The following CSMD3 variants were observed in gnomAD, a reference collection of about 807,000 sequenced individuals.
CSMD3 encodes the protein CUB and Sushi multiple domains 3, also known as CUB and sushi domain-containing protein 3.
CSMD3 carries 177 observed loss-of-function variants against 435.2 expected under a neutral mutation model. The ratio of observed to expected loss-of-function variants is 0.41; its 90% confidence interval spans 0.36 to 0.46. CSMD3 has a LOEUF of 0.46. Among genes scored for constraint, CSMD3 ranks in the 20% least tolerant of loss-of-function variants. The pLI is 0.34. For missense variants in CSMD3, 4,265 were observed against 4,504.6 expected, an observed-to-expected ratio of 0.95 and a Z score of 1.52; for synonymous variants, 1,656 against 1,520.5, an observed-to-expected ratio of 1.09 and a Z score of -2.07.
At chr8:112,493,975 T>C (rs915786055) in intron 30 of CSMD3, among the ~76,000 whole-genome samples, 1 of 152,130 alleles carries the variant, frequency 6.6e-6, no homozygotes, top group South Asian at 2.1e-4. Context: ...ATATGAGTCA[T>C]GGAATCTTTG....
At chr8:113,020,330 A>G (rs181535376) in intron 5 of CSMD3, among the ~76,000 whole-genome samples, 1 of 152,268 alleles carries the variant, frequency 6.6e-6, no homozygotes. Context: ...AATATACTCA[A>G]AACAAGTATC....
rs762055349 is a variant in CSMD3 at position 112,336,668 on chromosome 8, C to A, written c.7003G>T (p.Asp2335Tyr). Residue 2335 changes from aspartate to tyrosine, a missense_variant, in exon 44 of 71, where the codon GAT (aspartate) becomes TAT (tyrosine). Coordinates refer to ENST00000297405, the MANE Select transcript of CSMD3 (RefSeq NM_198123.2). Reference protein sequence around the residue: ...FTVLQTEPIYDFITVWDGPDQ... With the variant: ...FTVLQTEPIYYFITVWDGPDQ... Reference sequence around the variant, plus strand: ...CTGACTTACCATACAGTAATGAAATCATATATTGGTTCTGTTTGAAGGACA... The same window carrying A: ...CTGACTTACCATACAGTAATGAAATAATATATTGGTTCTGTTTGAAGGACA... The A allele has an allele frequency of 6.2e-7, 1 of 1,610,532 alleles. No individual in the cohort carries two copies. The highest frequency in any genetic ancestry group is 8.5e-7 in the Non-Finnish European group (1 of 1,177,008).
intron 10 of CSMD3, among the ~76,000 whole-genome samples, chr8:112,872,087 A>G (rs907149687): frequency 6.6e-6 from 1 of 152,072 alleles, no homozygotes; most frequent in Non-Finnish European, 1.5e-5. Context: ...ATCAATTAGA[A>G]TTCTCAGATT....
At chr8:113,054,042 T>C (rs1587975754) in intron 5 of CSMD3, among the ~76,000 whole-genome samples, 1 of 152,154 alleles carries the variant, frequency 6.6e-6, no homozygotes, top group Non-Finnish European at 1.5e-5. Flanking sequence ...ATTGATTTCT[T>C]ACCAAACTAC....
intron 27 of CSMD3, among the ~76,000 whole-genome samples, chr8:112,525,955 T>C (rs1824910318): frequency 7.0e-6 from 1 of 143,628 alleles, no homozygotes. Flanking sequence ...CTTTAACAAG[T>C]CAAGGCATAC....
chr8:113,081,715 C>T (rs1158989807), intron 5 of CSMD3, among the ~76,000 whole-genome samples: 1 of 152,124 alleles, frequency 6.6e-6, no homozygotes, highest in Non-Finnish European at 1.5e-5. Flanking sequence ...CCCTGGGACT[C>T]TGCAGATTTC....
intron 3 of CSMD3, among the ~76,000 whole-genome samples, chr8:113,269,101 A>G (rs2132403828): frequency 6.6e-6 from 1 of 152,270 alleles, no homozygotes; most frequent in African/African-American, 2.4e-5. Flanking sequence ...GATTTTATTT[A>G]ATTCTTTTGA....
In CSMD3 at chr8:112,278,370, A is replaced by C. The variant is rs541933634; in HGVS notation, c.9508+2804T>G. 3.3e-5 allele frequency among the ~76,000 whole-genome samples: 5 copies of C among 152,312 alleles called. No homozygotes were observed. The South Asian group carries it at 1.0e-3, about 32-fold the overall frequency. On this transcript the variant is annotated intron_variant, in intron 59 of 70. Transcript: ENST00000297405. ...CTGCCAAGATTTAAATGATAGATCT[A>C]AGTCAGAAGTATTGAAAATTGACAT...
chr8:112,226,054 T>C (rs1355122098), intron 70 of CSMD3, among the ~76,000 whole-genome samples: 2 of 152,204 alleles, frequency 1.3e-5, no homozygotes, highest in Non-Finnish European at 2.9e-5. Flanking sequence ...AACAATCGAA[T>C]TTCAACTATT....
Position 112,597,329 on chromosome 8 carries a change from T to A in CSMD3, c.3716-10094A>T, listed in dbSNP as rs1368041108. Among the ~76,000 whole-genome samples, 7 of 151,990 alleles carry A rather than the reference T, an allele frequency of 4.6e-5. No individual in the cohort carries two copies. The East Asian group carries it at 1.4e-3, about 30-fold the overall frequency. Reference sequence around the variant, plus strand: ...AAGACTAAACCAGGAAGAAGTTGAATCTCTGAATAGACCAATAACAGGAGC... The same window carrying A: ...AAGACTAAACCAGGAAGAAGTTGAAACTCTGAATAGACCAATAACAGGAGC... On this transcript the variant is annotated intron_variant, in intron 22 of 70. Transcript: ENST00000297405.
chr8:112,608,601 C>T (rs563795342), intron 22 of CSMD3, among the ~76,000 whole-genome samples: 1 of 150,314 alleles, frequency 6.7e-6, no homozygotes, highest in African/African-American at 2.5e-5. Flanking sequence ...TATATATATA[C>T]ATACACACAC....
chr8:113,363,317 G>A (rs2094289948), intron 1 of CSMD3, among the ~76,000 whole-genome samples: 1 of 88,880 alleles, frequency 1.1e-5, no homozygotes, highest in Non-Finnish European at 2.7e-5. Flanking sequence ...TCCTTTATCA[G>A]ATATGTTTTG....
At chr8:112,439,862 TC>T (rs75592155) in intron 32 of CSMD3, among the ~76,000 whole-genome samples, 64,681 of 150,208 alleles carry the variant, frequency 0.43, 14,801 homozygotes, top group Middle Eastern at 0.6. Context: ...TGCCACTAGG[TC>T]CCCCCCCGCC....
At chr8:112,508,742 G>C (rs7838963) in intron 28 of CSMD3, among the ~76,000 whole-genome samples, 46,501 of 151,868 alleles carry the variant, frequency 0.31, 7,275 homozygotes, top group East Asian at 0.47. Context: ...TCCCTTCCCT[G>C]CTCCTTGCAA....
In CSMD3 at chr8:113,108,384, C is replaced by T. The variant is rs151148611; in HGVS notation, c.710-9421G>A. Among the ~76,000 whole-genome samples the T allele has an allele frequency of 5.1e-3, 760 of 149,976 alleles. 2 individuals carry two copies. Among genetic ancestry groups the T allele is most frequent in the African/African-American group, 0.017 (671 of 40,536 alleles). The stretch of plus-strand genomic sequence containing the variant: ...TGGAGGTTGCAATGAATCGAGATTG[C>T]GCCACTGCATGCCAGCCTAGTGAGA... On this transcript the variant is annotated intron_variant, in intron 4 of 70. Transcript: ENST00000297405.
intron 13 of CSMD3, among the ~76,000 whole-genome samples, chr8:112,745,920 A>G (rs1244822969): frequency 6.6e-6 from 1 of 151,894 alleles, no homozygotes; most frequent in South Asian, 2.1e-4. Context: ...ACATTTTGCT[A>G]ATTTTTTTTC....
At chr8:112,679,717 C>A (rs775428280) in intron 16 of CSMD3, among the ~76,000 whole-genome samples, 3 of 152,130 alleles carry the variant, frequency 2.0e-5, no homozygotes, top group African/African-American at 4.8e-5. Flanking sequence ...AGGCACCAAG[C>A]AACCCCAAAA....
chr8:113,023,664 G>T (rs2086768136), intron 5 of CSMD3, among the ~76,000 whole-genome samples: 1 of 151,930 alleles, frequency 6.6e-6, no homozygotes, highest in Non-Finnish European at 1.5e-5. Flanking sequence ...TACATTTATT[G>T]ATTTACTCTA....
At chr8:112,971,487 T>C (rs1367555968) in intron 7 of CSMD3, among the ~76,000 whole-genome samples, 4 of 152,104 alleles carry the variant, frequency 2.6e-5, no homozygotes, top group African/African-American at 9.7e-5. Context: ...ACCTAAGAGT[T>C]TATGGCACTT....
Sources: allele counts gnomAD v4.1 joint callset (sites outside exome capture counted in the v4.1 genomes callset), GRCh38; gene constraint gnomAD v4.1.1; transcripts MANE v1.5; gene names NCBI Gene and HGNC (gene_info 2026-07-23, HGNC 2026-07-21).